Variants in MTUS2 observed in about 807,000 individuals in gnomAD.
MTUS2 encodes the protein microtubule-associated tumor suppressor candidate 2.
In MTUS2, 40 loss-of-function variants were observed where a neutral mutation model predicts 114.1. The ratio of observed to expected loss-of-function variants is 0.35; its 90% confidence interval spans 0.27 to 0.46. The LOEUF is 0.46. Among genes scored for constraint, MTUS2 ranks in the 20% least tolerant of loss-of-function variants. The pLI is 1.00. For synonymous variants in MTUS2, 688 were observed against 672.0 expected (o/e 1.02, Z -0.37); for missense variants, 1,679 against 1,705.4 (o/e 0.98, Z 0.27).
At chr13:29,333,062 A>G (rs2138068551) in intron 7 of MTUS2, among the ~76,000 whole-genome samples, 1 of 152,278 alleles carries the variant, frequency 6.6e-6, no homozygotes, top group South Asian at 2.1e-4. Flanking sequence ...AGATTCTGGT[A>G]CGTTGTGTCT....
At chr13:29,042,795 G>A (rs1164509699) in intron 4 of MTUS2, among the ~76,000 whole-genome samples, 1 of 152,070 alleles carries the variant, frequency 6.6e-6, no homozygotes, top group Non-Finnish European at 1.5e-5. Flanking sequence ...TTGTATTTCT[G>A]TGGTAGCAGT....
chr13:29,208,660 A>G (rs754311310), intron 5 of MTUS2, among the ~76,000 whole-genome samples: 4 of 152,116 alleles, frequency 2.6e-5, no homozygotes, highest in Non-Finnish European at 5.9e-5. Flanking sequence ...AAGAATTTTT[A>G]AATTTCCATC....
chr13:29,455,069 C>G (rs779551383), intron 9 of MTUS2, among the ~76,000 whole-genome samples: 3 of 152,196 alleles, frequency 2.0e-5, no homozygotes, highest in Non-Finnish European at 4.4e-5. Flanking sequence ...CTCACCAAAC[C>G]TGGGCGTGGG....
At chr13:28,996,732 A>G (rs114918150) in intron 2 of MTUS2, among the ~76,000 whole-genome samples, 2,695 of 152,246 alleles carry the variant, frequency 0.018, 82 homozygotes, top group African/African-American at 0.061. Flanking sequence ...TTTATGTGGT[A>G]TTGGTGATGA....
chr13:29,395,447 C>T (rs1158173641), intron 8 of MTUS2, among the ~76,000 whole-genome samples: 1 of 152,224 alleles, frequency 6.6e-6, no homozygotes, highest in Non-Finnish European at 1.5e-5. Context: ...GAATCAGAGA[C>T]GTCTCCTTGA....
intron 7 of MTUS2, among the ~76,000 whole-genome samples, chr13:29,358,088 T>C (rs373986620): frequency 1.9e-4 from 29 of 152,284 alleles, no homozygotes; most frequent in African/African-American, 7.0e-4. Flanking sequence ...GATTTATGAT[T>C]GTGCTGGTCA....
intron 5 of MTUS2, among the ~76,000 whole-genome samples, chr13:29,186,640 A>T (rs1894235982): frequency 6.6e-6 from 1 of 152,248 alleles, no homozygotes; most frequent in South Asian, 2.1e-4. Context: ...AAATTGTCAT[A>T]ATTGAAGGAG....
At chr13:28,963,115 G>A (rs184771670) in intron 2 of MTUS2, among the ~76,000 whole-genome samples, 253 of 152,270 alleles carry the variant, frequency 1.7e-3, no homozygotes, top group African/African-American at 5.8e-3. Context: ...ACTTTGGGAG[G>A]CCGAGACAGA....
At chr13:29,463,594 C>T (rs2138803335) in intron 9 of MTUS2, among the ~76,000 whole-genome samples, 1 of 86,836 alleles carries the variant, frequency 1.2e-5, no homozygotes, top group East Asian at 2.0e-4. Context: ...GTGACTTGCC[C>T]TAGGTCACAG....
intron 5 of MTUS2, among the ~76,000 whole-genome samples, chr13:29,220,908 T>C (rs1202361239): frequency 6.6e-6 from 1 of 152,244 alleles, no homozygotes; most frequent in Non-Finnish European, 1.5e-5. Context: ...CACGATAGAA[T>C]GAGGCATGCC....
chr13:29,207,509 A>G (rs1342433364), intron 5 of MTUS2, among the ~76,000 whole-genome samples: 1 of 152,218 alleles, frequency 6.6e-6, no homozygotes, highest in African/African-American at 2.4e-5. Flanking sequence ...TCCAGTTCTC[A>G]GAGGGAATGC....
intron 2 of MTUS2, among the ~76,000 whole-genome samples, chr13:28,927,875 G>A (rs2138076581): frequency 6.6e-6 from 1 of 152,250 alleles, no homozygotes; most frequent in South Asian, 2.1e-4. Context: ...ATACTACAAA[G>A]CTACAGTAAC....
At chr13:29,472,683 AG>A (rs1297279306) in intron 9 of MTUS2, among the ~76,000 whole-genome samples, 1 of 152,256 alleles carries the variant, frequency 6.6e-6, no homozygotes. Flanking sequence ...AAATGAAAAA[AG>A]CAAAATGATA....
intron 8 of MTUS2, among the ~76,000 whole-genome samples, chr13:29,381,816 C>T (rs1216605807): frequency 6.6e-6 from 1 of 151,724 alleles, no homozygotes; most frequent in Non-Finnish European, 1.5e-5. Context: ...TTCATGGAGC[C>T]TGGAAAAATG....
chr13:29,073,497 T>A (rs185563297), intron 4 of MTUS2, among the ~76,000 whole-genome samples: 1 of 149,810 alleles, frequency 6.7e-6, no homozygotes, highest in East Asian at 2.0e-4. Context: ...ATTCCCAGGT[T>A]GTGTACACAT....
chr13:29,289,578 T>C (rs1316694982), intron 6 of MTUS2, among the ~76,000 whole-genome samples: 1 of 151,752 alleles, frequency 6.6e-6, no homozygotes, highest in Non-Finnish European at 1.5e-5. Context: ...TTCTCCTGCC[T>C]GAGCCTCCCA....
At chr13:29,114,984 T>C (rs1891029286) in intron 5 of MTUS2, among the ~76,000 whole-genome samples, 1 of 152,236 alleles carries the variant, frequency 6.6e-6, no homozygotes, top group African/African-American at 2.4e-5. Context: ...ATGATAGAGC[T>C]ATTAAATTAC....
chr13:29,459,695 T>C (rs1488220700), intron 9 of MTUS2, among the ~76,000 whole-genome samples: 1 of 152,212 alleles, frequency 6.6e-6, no homozygotes, highest in Non-Finnish European at 1.5e-5. Context: ...TTGAATTTTT[T>C]TTAGCATGCA....
chr13:29,481,954 T>C (rs1380668312), intron 10 of MTUS2, among the ~76,000 whole-genome samples: 1 of 152,162 alleles, frequency 6.6e-6, no homozygotes, highest in Non-Finnish European at 1.5e-5. Context: ...GTAACTCCAG[T>C]CAGTAGACAT....
Sources: allele counts gnomAD v4.1 joint callset (sites outside exome capture counted in the v4.1 genomes callset), GRCh38; gene constraint gnomAD v4.1.1; transcripts MANE v1.5; gene names NCBI Gene and HGNC (gene_info 2026-07-23, HGNC 2026-07-21).